EHBP1: variants seen among roughly 807,000 people sequenced by gnomAD.
EHBP1 encodes EH domain binding protein 1, also known as EH domain-binding protein 1.
In EHBP1, 55 loss-of-function variants were observed where a neutral mutation model predicts 144.0. The ratio of observed to expected loss-of-function variants is 0.38; its 90% CI spans 0.31 to 0.48. The LOEUF is 0.48. Among genes scored for constraint, EHBP1 ranks in the 20% least tolerant of loss-of-function variants. The pLI is 0.98. For missense variants in EHBP1, 1,200 were observed against 1,364.2 expected (o/e 0.88, Z 1.90); for synonymous variants, 469 against 472.7 (o/e 0.99, Z 0.10).
chr2:63,031,603 T>A lies in EHBP1; in HGVS notation c.3104-5932T>A, dbSNP rs2061249930. Among the ~76,000 whole-genome samples the A allele has an allele frequency of 2.6e-5, 4 of 152,112 alleles. No individual in the cohort carries two copies. In the South Asian group the frequency reaches 6.2e-4, roughly 24 times the overall value. ...GCTCTTAGCAATAAAAAGTTATGGA[T>A]GCATCATCATCCATATGTAATTTAA... is the stretch of plus-strand genomic sequence containing the variant. On this transcript the variant is annotated intron_variant, in intron 19 of 22. Coordinates refer to ENST00000431489, the MANE Select transcript of EHBP1 (RefSeq NM_001142616.3).
intron 5 of EHBP1, among the ~76,000 whole-genome samples, chr2:62,812,334 G>A (rs55650545): frequency 0.036 from 5,425 of 152,204 alleles, 348 homozygotes; most frequent in African/African-American, 0.12. Flanking sequence ...TGAGATTGTG[G>A]CTATAACAAA....
Position 63,038,669 on chromosome 2 carries a change from G to A in EHBP1, c.3204-74G>A. The A allele has an allele frequency of 3.7e-6, 5 of 1,362,748 alleles. No individual in the cohort carries two copies. The South Asian group carries it at 5.9e-5, about 16-fold the overall frequency. 84.4% of individuals were successfully genotyped at this position (1,362,748 alleles called of 1,614,324 possible). On this transcript the variant is annotated intron_variant, in intron 20 of 22. Transcript: ENST00000431489. ...GTCAGTTATGAGTCCTAAAATCAATGTAACCTAAAGGTTCTTTTAAGTTTT... is the reference window on the plus strand; with the variant it reads ...GTCAGTTATGAGTCCTAAAATCAATATAACCTAAAGGTTCTTTTAAGTTTT...
intron 7 of EHBP1, among the ~76,000 whole-genome samples, chr2:62,850,311 CT>C (rs2048595870): frequency 1.3e-5 from 2 of 151,230 alleles, no homozygotes; most frequent in Admixed American, 1.3e-4. Context: ...GTTTTTTTTT[CT>C]TTTTACTACA....
chr2:62,753,732 T>G (rs1391302400), intron 3 of EHBP1, among the ~76,000 whole-genome samples: 1 of 152,168 alleles, frequency 6.6e-6, no homozygotes, highest in Non-Finnish European at 1.5e-5. Flanking sequence ...TCTCACTTCA[T>G]TTCATTCAAT....
At chr2:62,979,922 T>G (rs2058887018) in intron 15 of EHBP1, among the ~76,000 whole-genome samples, 1 of 152,176 alleles carries the variant, frequency 6.6e-6, no homozygotes, top group Non-Finnish European at 1.5e-5. Context: ...AATTTTAACT[T>G]CAGAGATGCT....
chr2:62,712,652 T>C (rs1279083902), intron 2 of EHBP1, among the ~76,000 whole-genome samples: 2 of 152,054 alleles, frequency 1.3e-5, no homozygotes. Context: ...TGATGAACCA[T>C]GGAATATAAG....
chr2:62,756,480 T>C (rs1260143503), intron 3 of EHBP1, among the ~76,000 whole-genome samples: 1 of 152,170 alleles, frequency 6.6e-6, no homozygotes, highest in African/African-American at 2.4e-5. Context: ...ATGAAAATGC[T>C]GTTTTAGGCT....
At chr2:63,016,558 G>A (rs1288149493) in intron 19 of EHBP1, among the ~76,000 whole-genome samples, 1 of 151,858 alleles carries the variant, frequency 6.6e-6, no homozygotes. Context: ...AGCCCCCCGA[G>A]TACCTGGGAT....
intron 1 of EHBP1, among the ~76,000 whole-genome samples, chr2:62,693,760 C>G (rs768560085): frequency 6.6e-6 from 1 of 152,166 alleles, no homozygotes; most frequent in Admixed American, 6.5e-5. Context: ...TAACCAACCT[C>G]TCTTCTCCCC....
At chr2:62,922,088 T>C (rs1404551041) in intron 10 of EHBP1, among the ~76,000 whole-genome samples, 1 of 152,046 alleles carries the variant, frequency 6.6e-6, no homozygotes, top group Non-Finnish European at 1.5e-5. Context: ...GGCAGGAGAA[T>C]CGCTTGCACC....
intron 7 of EHBP1, 62 bp downstream of exon 7, chr2:62,831,220 C>A: frequency 6.7e-7 from 1 of 1,484,016 alleles, no homozygotes; most frequent in Non-Finnish European, 9.0e-7. Flanking sequence ...AAAACTCATT[C>A]TCATTTCCCA....
chr2:62,989,926 G>A (rs560586822), intron 15 of EHBP1, among the ~76,000 whole-genome samples: 124 of 152,206 alleles, frequency 8.1e-4, no homozygotes, highest in African/African-American at 2.8e-3. Flanking sequence ...TTGCATGAAA[G>A]TAATGACAAT....
chr2:62,895,285 A>C (rs1245029238), intron 10 of EHBP1, among the ~76,000 whole-genome samples: 1 of 149,038 alleles, frequency 6.7e-6, no homozygotes, highest in Non-Finnish European at 1.5e-5. Flanking sequence ...TTCTATCATC[A>C]TCATCATCAT....
intron 5 of EHBP1, among the ~76,000 whole-genome samples, chr2:62,795,324 G>C (rs887177628): frequency 6.6e-6 from 1 of 151,950 alleles, no homozygotes. Context: ...TTTCATCCAT[G>C]GTTCTAGTTT....
At chr2:62,738,897 T>A (rs1189161062) in intron 2 of EHBP1, among the ~76,000 whole-genome samples, 1 of 152,226 alleles carries the variant, frequency 6.6e-6, no homozygotes, top group Non-Finnish European at 1.5e-5. Context: ...AAGTTCTTTT[T>A]CTTCTTTTTA....
chr2:62,790,973 A>G (rs1051725400), intron 5 of EHBP1, among the ~76,000 whole-genome samples: 3 of 152,040 alleles, frequency 2.0e-5, no homozygotes, highest in African/African-American at 4.8e-5. Flanking sequence ...TAGTTTCCCA[A>G]TATAGATGTG....
At chr2:63,024,195 T>C (rs962389211) in intron 19 of EHBP1, among the ~76,000 whole-genome samples, 2 of 151,996 alleles carry the variant, frequency 1.3e-5, no homozygotes, top group Admixed American at 1.3e-4. Context: ...AACACAAAAA[T>C]TAGCCAGGCG....
chr2:62,873,940 A>G (rs970438945), intron 9 of EHBP1, among the ~76,000 whole-genome samples: 2 of 152,212 alleles, frequency 1.3e-5, no homozygotes, highest in Non-Finnish European at 2.9e-5. Context: ...AGAATTTAAC[A>G]TAGAAGAAAA....
intron 10 of EHBP1, among the ~76,000 whole-genome samples, chr2:62,880,334 A>G (rs1429207207): frequency 1.4e-5 from 2 of 143,722 alleles, no homozygotes; most frequent in East Asian, 4.0e-4. Context: ...CAAAAACTCC[A>G]GTAGCAATTG....
Sources: gnomAD v4.1 joint callset for allele counts (sites outside exome capture counted in the v4.1 genomes callset) on GRCh38, gnomAD v4.1.1 for gene constraint, MANE v1.5 for transcripts, NCBI Gene and HGNC (gene_info 2026-07-23, HGNC 2026-07-21) for gene names.